The following PCSK2 variants were observed in gnomAD, a reference collection of about 807,000 sequenced individuals.
PCSK2 encodes the protein proprotein convertase subtilisin/kexin type 2.
PCSK2 carries 14 observed loss-of-function variants against 69.7 expected under a neutral mutation model. The observed-to-expected ratio is 0.20, with a 90% confidence interval of 0.13 to 0.31. The LOEUF (loss-of-function observed/expected upper bound fraction) is 0.31, where lower values mean the gene tolerates loss of function less well. Among genes scored for constraint, PCSK2 ranks in the 10% least tolerant of loss-of-function variants. PCSK2 has a pLI of 1.00. For missense variants in PCSK2, 544 were observed against 842.5 expected, an observed-to-expected ratio of 0.65 and a Z score of 4.39; for synonymous variants, 307 against 320.7, an observed-to-expected ratio of 0.96 and a Z score of 0.46.
At chr20:17,329,589 G>A (rs1990158131) in intron 2 of PCSK2, among the ~76,000 whole-genome samples, 1 of 152,144 alleles carries the variant, frequency 6.6e-6, no homozygotes, top group African/African-American at 2.4e-5. Context: ...AAAATAGACG[G>A]TCACCAAGTT....
chr20:17,280,579 T>C (rs2123044368), intron 2 of PCSK2, among the ~76,000 whole-genome samples: 1 of 152,330 alleles, frequency 6.6e-6, no homozygotes, highest in East Asian at 1.9e-4. Flanking sequence ...CTACATATAG[T>C]GGGCCATGTC....
rs190337682 is a variant in PCSK2 at position 17,278,298 on chromosome 20, T to G, written c.282+17954T>G. 4.2e-3 allele frequency among the ~76,000 whole-genome samples: 635 copies of G among 152,238 alleles called. 8 individuals carry two copies. The highest frequency in any genetic ancestry group is 0.014 in the African/African-American group (580 of 41,518). On this transcript the variant is annotated intron_variant, in intron 2 of 11. Transcript: ENST00000262545. ...ATGTTTATTATGGCACTATTCACAA[T>G]AGCAAAGACTTGGAATGAACCCAAA...
intron 1 of PCSK2, among the ~76,000 whole-genome samples, chr20:17,249,320 C>T (rs955869027): frequency 6.6e-6 from 1 of 151,824 alleles, no homozygotes; most frequent in Non-Finnish European, 1.5e-5. Flanking sequence ...TCCTGGCTAA[C>T]ATGGTGAAAC....
chr20:17,303,579 T>C (rs1397339752), intron 2 of PCSK2, among the ~76,000 whole-genome samples: 1 of 109,110 alleles, frequency 9.2e-6, no homozygotes, highest in African/African-American at 3.6e-5. Flanking sequence ...ATATTAAAAA[T>C]ATATACTTTT....
rs1254595913 is a variant in PCSK2, at chr20:17,483,473, A to C, written c.*1403A>C. On this transcript the variant is annotated 3_prime_UTR_variant, in exon 12 of 12. Transcript: ENST00000262545. ...GAGATTGCTTCTCATCCCCAGTCCC[A>C]ATGCACATCCATTCCCAAGAAATGC... 1.3e-5 allele frequency: 2 copies of C among 152,256 alleles called. No homozygotes were observed. The highest frequency in any genetic ancestry group is 2.9e-5 in the Non-Finnish European group (2 of 68,086). The allele number at this position is 152,256 out of a possible 1,614,324, so 9.4% of individuals were successfully genotyped here. A position where few individuals can be genotyped will look rare whatever the true frequency, so the allele number is the denominator to read the frequency against.
At chr20:17,458,985 G>C (rs1359893541) in intron 10 of PCSK2, among the ~76,000 whole-genome samples, 1 of 152,116 alleles carries the variant, frequency 6.6e-6, no homozygotes, top group Non-Finnish European at 1.5e-5. Flanking sequence ...AGCTAGGCTC[G>C]AGGGGTAGAT....
At chr20:17,349,824 T>C (rs1227563694) in intron 2 of PCSK2, among the ~76,000 whole-genome samples, 2 of 151,970 alleles carry the variant, frequency 1.3e-5, no homozygotes, top group African/African-American at 4.8e-5. Flanking sequence ...TTGAATTACC[T>C]GGAAAGTTTT....
intron 2 of PCSK2, among the ~76,000 whole-genome samples, chr20:17,285,905 T>C (rs1470726893): frequency 6.6e-6 from 1 of 152,156 alleles, no homozygotes; most frequent in Non-Finnish European, 1.5e-5. Context: ...TGAAGAAAAA[T>C]TGTTACTTAC....
chr20:17,343,260 C>T (rs959411887), intron 2 of PCSK2, among the ~76,000 whole-genome samples: 2 of 152,146 alleles, frequency 1.3e-5, no homozygotes, highest in African/African-American at 4.8e-5. Context: ...CCAGTGGCCA[C>T]CAAAACATCT....
intron 8 of PCSK2, among the ~76,000 whole-genome samples, chr20:17,442,266 G>A (rs1163758715): frequency 6.6e-6 from 1 of 151,626 alleles, no homozygotes; most frequent in Non-Finnish European, 1.5e-5. Flanking sequence ...AAGTTCTGGA[G>A]ACGGAAGTGT....
At chr20:17,227,606 T>C (rs1985978304) in intron 1 of PCSK2, 124 bp downstream of exon 1, 5 of 699,754 alleles carry the variant, frequency 7.1e-6, no homozygotes, top group Non-Finnish European at 7.3e-6. Context: ...TATTCTGCCA[T>C]GGGCTCTTTA....
chr20:17,427,581 GC>G (rs2032274802), intron 6 of PCSK2, among the ~76,000 whole-genome samples: 1 of 152,144 alleles, frequency 6.6e-6, no homozygotes, highest in Admixed American at 6.5e-5. Flanking sequence ...CCATGATAAC[GC>G]TGCATAACAA....
In PCSK2 at chr20:17,356,147, G is replaced by GTA. The variant is rs200191838; in HGVS notation, c.283-2168_283-2167dup. Among the ~76,000 whole-genome samples, 1,054 of 151,186 alleles carry GTA rather than the reference G, an allele frequency of 7.0e-3. 6 individuals are homozygous for GTA. Among genetic ancestry groups the GTA allele is most frequent in the South Asian group, 0.025 (118 of 4,784 alleles). ...TATATACACACATACATGTGCATAA[G>GTA]TATATATATATATGTATATGTACCT... is the stretch of plus-strand genomic sequence containing the variant. On this transcript the variant is annotated intron_variant, in intron 2 of 11. Coordinates refer to ENST00000262545, the MANE Select transcript of PCSK2 (RefSeq NM_002594.5).
At chr20:17,364,559 A>G (rs2030523346) in intron 4 of PCSK2, among the ~76,000 whole-genome samples, 1 of 152,180 alleles carries the variant, frequency 6.6e-6, no homozygotes, top group Non-Finnish European at 1.5e-5. Flanking sequence ...TTATAAAACC[A>G]TCAGATCTTG....
At chr20:17,261,060 C>T (rs1263558534) in intron 2 of PCSK2, among the ~76,000 whole-genome samples, 1 of 152,182 alleles carries the variant, frequency 6.6e-6, no homozygotes, top group Non-Finnish European at 1.5e-5. Context: ...GGCTTCTCTC[C>T]CAGTGTTCCC....
intron 5 of PCSK2, among the ~76,000 whole-genome samples, chr20:17,403,152 C>T (rs1373260614): frequency 6.6e-6 from 1 of 152,126 alleles, no homozygotes; most frequent in Non-Finnish European, 1.5e-5. Context: ...AATGGGAGAA[C>T]ACTGTGTCAC....
intron 2 of PCSK2, among the ~76,000 whole-genome samples, chr20:17,297,211 G>A (rs1377186230): frequency 6.6e-6 from 1 of 152,228 alleles, no homozygotes; most frequent in Admixed American, 6.5e-5. Flanking sequence ...AAGAGGAGAA[G>A]GAAGCAGAGA....
intron 1 of PCSK2, among the ~76,000 whole-genome samples, chr20:17,252,082 G>A (rs1300907880): frequency 2.6e-5 from 4 of 152,144 alleles, no homozygotes; most frequent in Non-Finnish European, 5.9e-5. Flanking sequence ...CAAGGCACAA[G>A]TCTAATGGCC....
chr20:17,323,443 C>A (rs1291804884), intron 2 of PCSK2, among the ~76,000 whole-genome samples: 3 of 152,120 alleles, frequency 2.0e-5, no homozygotes, highest in Non-Finnish European at 2.9e-5. Context: ...TTATAGCCAC[C>A]TGTTCTCACA....
Sources: allele counts gnomAD v4.1 joint callset (sites outside exome capture counted in the v4.1 genomes callset), GRCh38; gene constraint gnomAD v4.1.1; transcripts MANE v1.5; gene names NCBI Gene and HGNC (gene_info 2026-07-23, HGNC 2026-07-21).